ADIPOR2: variants seen among roughly 807,000 people sequenced by gnomAD.
ADIPOR2 encodes the protein adiponectin receptor protein 2.
ADIPOR2 carries 18 observed loss-of-function variants against 40.9 expected under a neutral mutation model. That is an observed-to-expected ratio of 0.44 (90% CI 0.30 to 0.65). The LOEUF is 0.65. Ranked by LOEUF, ADIPOR2 falls within the 30% of genes least tolerant of loss-of-function variation. ADIPOR2 has a pLI of 0.09. For missense variants in ADIPOR2, 283 were observed against 479.2 expected (o/e 0.59, Z 3.82); for synonymous variants, 165 against 166.4 (o/e 0.99, Z 0.06).
At chr12:1,714,428 C>T (rs1221805332) in intron 1 of ADIPOR2, among the ~76,000 whole-genome samples, 1 of 152,080 alleles carries the variant, frequency 6.6e-6, no homozygotes, top group Non-Finnish European at 1.5e-5. Context: ...GGGTAATAAA[C>T]TTATCTTTTA....
chr12:1,763,737 G>A (rs1011070850), intron 2 of ADIPOR2, among the ~76,000 whole-genome samples: 3 of 152,168 alleles, frequency 2.0e-5, no homozygotes, highest in Non-Finnish European at 4.4e-5. Flanking sequence ...TAACAACTTT[G>A]AGAGGCTGAG....
chr12:1,704,485 A>G (rs989084034), intron 1 of ADIPOR2, among the ~76,000 whole-genome samples: 3 of 152,234 alleles, frequency 2.0e-5, no homozygotes, highest in African/African-American at 7.2e-5. Context: ...TTAATGAGGA[A>G]ACAGATTGCT....
intron 6 of ADIPOR2, among the ~76,000 whole-genome samples, chr12:1,781,718 A>G (rs538512781): frequency 2.0e-5 from 3 of 152,330 alleles, no homozygotes. Context: ...TGTCAAGCTC[A>G]GTGCCCACTG....
At chr12:1,768,294 C>T (rs929670968) in intron 2 of ADIPOR2, among the ~76,000 whole-genome samples, 5 of 152,138 alleles carry the variant, frequency 3.3e-5, no homozygotes, top group African/African-American at 7.2e-5. Flanking sequence ...TAAATGCCCC[C>T]GAAGCTCTAG....
intron 1 of ADIPOR2, among the ~76,000 whole-genome samples, chr12:1,746,784 T>A (rs2094756011): frequency 6.6e-6 from 1 of 152,186 alleles, no homozygotes; most frequent in African/African-American, 2.4e-5. Context: ...AATCCTAACA[T>A]TTTACGAGAC....
chr12:1,759,004 T>C (rs967238636), intron 2 of ADIPOR2, among the ~76,000 whole-genome samples: 1 of 152,242 alleles, frequency 6.6e-6, no homozygotes, highest in Admixed American at 6.5e-5. Context: ...GACTGCTCTT[T>C]CTGCCGAACA....
intron 3 of ADIPOR2, among the ~76,000 whole-genome samples, chr12:1,774,129 G>A (rs1862540874): frequency 1.3e-5 from 2 of 152,178 alleles, no homozygotes; most frequent in South Asian, 4.1e-4. Context: ...TTTTTAAAAT[G>A]CAAATTTGGT....
At chr12:1,762,457 A>G (rs546178438) in intron 2 of ADIPOR2, among the ~76,000 whole-genome samples, 1 of 152,268 alleles carries the variant, frequency 6.6e-6, no homozygotes, top group African/African-American at 2.4e-5. Context: ...TGAGTGGCAT[A>G]TAACAAATAG....
intron 2 of ADIPOR2, among the ~76,000 whole-genome samples, chr12:1,766,323 G>A (rs1862379572): frequency 6.6e-6 from 1 of 152,182 alleles, no homozygotes; most frequent in Non-Finnish European, 1.5e-5. Flanking sequence ...ACATACTGAT[G>A]TCTGAACCTG....
intron 2 of ADIPOR2, among the ~76,000 whole-genome samples, chr12:1,756,463 T>C (rs1173908335): frequency 1.3e-5 from 2 of 151,354 alleles, no homozygotes; most frequent in Non-Finnish European, 2.9e-5. Context: ...TTTTTTTTTT[T>C]TTTTTTTTAA....
chr12:1,754,312 A>G lies in ADIPOR2; in HGVS notation c.-32A>G. On this transcript the variant is annotated 5_prime_UTR_variant, in exon 2 of 8. Coordinates refer to ENST00000357103, the MANE Select transcript of ADIPOR2 (RefSeq NM_024551.3). ...TCCCAAGAAGAGGGGACAGAAAGAC[A>G]GATCTATTTGTAAGAAAGGCTTGGG... 1 of 1,548,158 alleles carries G rather than the reference A, an allele frequency of 6.5e-7. No homozygotes were observed. The highest frequency in any genetic ancestry group is 8.7e-7 in the Non-Finnish European group (1 of 1,148,598).
At chr12:1,707,771 C>A (rs746670427) in intron 1 of ADIPOR2, among the ~76,000 whole-genome samples, 1 of 152,136 alleles carries the variant, frequency 6.6e-6, no homozygotes, top group Non-Finnish European at 1.5e-5. Flanking sequence ...CCATGCCTTG[C>A]CTTATTTGCA....
At chr12:1,784,251 C>T (rs1189934711) in intron 7 of ADIPOR2, among the ~76,000 whole-genome samples, 178 bp downstream of exon 7, 1 of 152,210 alleles carries the variant, frequency 6.6e-6, no homozygotes, top group African/African-American at 2.4e-5. Context: ...ATTTAGTGAG[C>T]ACTTCCTTGG....
chr12:1,736,590 G>GT (rs947785693), intron 1 of ADIPOR2, among the ~76,000 whole-genome samples: 11 of 152,148 alleles, frequency 7.2e-5, no homozygotes, highest in East Asian at 3.9e-4. Context: ...TTTTTGAAGG[G>GT]TTTTTTTGTG....
At chr12:1,729,769 A>G (rs1039253172) in intron 1 of ADIPOR2, among the ~76,000 whole-genome samples, 6 of 151,526 alleles carry the variant, frequency 4.0e-5, no homozygotes, top group African/African-American at 9.7e-5. Flanking sequence ...TTTACTTTCT[A>G]TCTCTTTTGT....
chr12:1,781,374 C>T (rs111307598), intron 6 of ADIPOR2, among the ~76,000 whole-genome samples: 214 of 152,170 alleles, frequency 1.4e-3, no homozygotes, highest in Non-Finnish European at 2.4e-3. Context: ...ATCCAGAAAG[C>T]GGTAGTCTAT....
chr12:1,767,508 T>C (rs1257331004), intron 2 of ADIPOR2, among the ~76,000 whole-genome samples: 1 of 152,180 alleles, frequency 6.6e-6, no homozygotes, highest in Non-Finnish European at 1.5e-5. Context: ...TAGATACCTT[T>C]GTTTCCACAA....
chr12:1,710,089 A>G (rs1390665608), intron 1 of ADIPOR2, among the ~76,000 whole-genome samples: 1 of 152,250 alleles, frequency 6.6e-6, no homozygotes, highest in Admixed American at 6.5e-5. Context: ...TGCACCAGTC[A>G]GTGCTCTGTG....
chr12:1,748,342 G>T (rs557115965), intron 1 of ADIPOR2, among the ~76,000 whole-genome samples: 1 of 151,940 alleles, frequency 6.6e-6, no homozygotes, highest in Non-Finnish European at 1.5e-5. Context: ...TCCGCCTCCC[G>T]GGTTCACGCC....
Sources: gnomAD v4.1 joint callset for allele counts (sites outside exome capture counted in the v4.1 genomes callset) on GRCh38, gnomAD v4.1.1 for gene constraint, MANE v1.5 for transcripts, NCBI Gene and HGNC (gene_info 2026-07-23, HGNC 2026-07-21) for gene names.